The following CYB5RL variants were observed in gnomAD, a reference collection of about 807,000 sequenced individuals.
The protein encoded by CYB5RL is NADH-cytochrome b5 reductase-like.
In CYB5RL, 38 loss-of-function variants were observed where a neutral mutation model predicts 37.5. That is an observed-to-expected ratio of 1.01 (90% CI 0.78 to 1.33). CYB5RL has a LOEUF of 1.33. CYB5RL is among the 40% of genes most tolerant of loss of function. CYB5RL has a pLI of 0.00. For synonymous variants in CYB5RL, 141 were observed against 151.9 expected (o/e 0.93, Z 0.53); for missense variants, 388 against 394.4 (o/e 0.98, Z 0.14).
rs1178688045 is a variant in CYB5RL at position 54,171,126 on chromosome 1, G to T, written c.*3493C>A. 2 of 455,938 alleles carry T rather than the reference G, an allele frequency of 4.4e-6. No individual in the cohort carries two copies. The highest frequency in any genetic ancestry group is 3.1e-5 in the South Asian group (2 of 64,546). The allele number at this position is 455,938 out of a possible 1,614,324, so 28.2% of individuals were successfully genotyped here. Reference sequence around the variant, plus strand: ...AGCTGGAGTGGAAGAGACAGGCGAGGCTCCCGGGAGGAAGTGACACTGAGC... The same window carrying T: ...AGCTGGAGTGGAAGAGACAGGCGAGTCTCCCGGGAGGAAGTGACACTGAGC... On this transcript the variant is annotated 3_prime_UTR_variant, in exon 8 of 8. Transcript: ENST00000534324.
intron 3 of CYB5RL, among the ~76,000 whole-genome samples, chr1:54,193,830 C>T (rs911916662): frequency 3.3e-5 from 5 of 151,182 alleles, no homozygotes; most frequent in South Asian, 2.1e-4. Context: ...ATTAGCCGGG[C>T]GTGGTGGTAG....
chr1:54,193,188 A>G (rs1010177772), intron 3 of CYB5RL, among the ~76,000 whole-genome samples: 24 of 152,242 alleles, frequency 1.6e-4, no homozygotes, highest in African/African-American at 5.8e-4. Flanking sequence ...GGAGAAACAC[A>G]TTCATTCATC....
At position 54,180,591 on chromosome 1, in the gene CYB5RL, G is replaced by A. The variant is rs185234876; in HGVS notation, c.541-1239C>T. ...TGCACTCCAGCCTGGGTGACAGTGC[G>A]AGACTCCGTCTCAAAGAAAAAAAAA... On this transcript the variant is annotated intron_variant, in intron 6 of 7. Transcript: ENST00000534324. 8.2e-4 allele frequency among the ~76,000 whole-genome samples: 124 copies of A among 150,956 alleles called. 1 individual carries two copies. Among genetic ancestry groups the A allele is most frequent in the Non-Finnish European group, 1.5e-3 (100 of 67,782 alleles).
chr1:54,192,120 T>A (rs563289511), intron 3 of CYB5RL, among the ~76,000 whole-genome samples: 1 of 152,228 alleles, frequency 6.6e-6, no homozygotes, highest in African/African-American at 2.4e-5. Context: ...GTTAAAAAAA[T>A]TGGAATATGC....
chr1:54,179,666 AG>A (rs1660110005), intron 6 of CYB5RL, among the ~76,000 whole-genome samples: 1 of 152,168 alleles, frequency 6.6e-6, no homozygotes, highest in African/African-American at 2.4e-5. Context: ...TTCTACTGAC[AG>A]GGGGCTCATT....
chr1:54,187,513 A>G (rs1165059487), intron 5 of CYB5RL, 139 bp downstream of exon 5: 1 of 765,490 alleles, frequency 1.3e-6, no homozygotes, highest in African/African-American at 1.8e-5. Flanking sequence ...TTCCAGGACA[A>G]AGGACTTACT....
rs763937870 is a variant in CYB5RL, at chr1:54,174,615, AG to A, written c.*3del. ...TGGCCTAGGCTTTGGAAGAGAGGCC[AG>A]GGCTAGAAGAGGAAATAGGAGTCCT... On this transcript the variant is annotated 3_prime_UTR_variant, in exon 8 of 8. Transcript: ENST00000534324. The A allele has an allele frequency of 1.2e-6, 2 of 1,603,752 alleles. No individual in the cohort carries two copies. Among genetic ancestry groups the A allele is most frequent in the Admixed American group, 3.4e-5 (2 of 58,498 alleles).
At chr1:54,195,762 C>T in intron 2 of CYB5RL, 47 bp from the exon 3 acceptor site, 1 of 880,528 alleles carries the variant, frequency 1.1e-6, no homozygotes, top group Non-Finnish European at 1.7e-6. Context: ...TCCTCTATTC[C>T]TCACATTCTC....
chr1:54,176,127 T>C (rs1485214064), intron 7 of CYB5RL, among the ~76,000 whole-genome samples: 1 of 152,128 alleles, frequency 6.6e-6, no homozygotes, highest in African/African-American at 2.4e-5. Flanking sequence ...CTCAGGATCA[T>C]GATTGTGAGG....
At chr1:54,175,563 T>C in intron 7 of CYB5RL, 1 of 329,272 alleles carries the variant, frequency 3.0e-6, no homozygotes, top group South Asian at 2.3e-5. Flanking sequence ...AATGAACATT[T>C]TATTGGAGTA....
intron 7 of CYB5RL, 52 bp from the exon 8 acceptor site, chr1:54,174,874 G>T: frequency 6.4e-7 from 1 of 1,567,880 alleles, no homozygotes; most frequent in South Asian, 1.1e-5. Flanking sequence ...GGGGTCCTTA[G>T]TGTTCACACA....
rs1333083671 is a variant in CYB5RL at position 54,173,898 on chromosome 1, A to C, written c.*721T>G. The C allele has an allele frequency of 1.3e-5, 2 of 153,028 alleles. No homozygotes were observed. The highest frequency in any genetic ancestry group is 2.9e-5 in the Non-Finnish European group (2 of 68,386). The allele number at this position is 153,028 out of a possible 1,614,324, so 9.5% of individuals were successfully genotyped here. ...CCATAGCAACCATCACCAGGGCACC[A>C]AGCTGAAGGCACAGGCTGAGTGGCT... On this transcript the variant is annotated 3_prime_UTR_variant, in exon 8 of 8. Transcript: ENST00000534324.
chr1:54,174,953 C>T lies in CYB5RL; in HGVS notation c.745-131G>A, dbSNP rs935946664. 7.2e-6 allele frequency: 6 copies of T among 835,078 alleles called. No homozygotes were observed. In the Admixed American group the frequency reaches 7.4e-5, roughly 10 times the overall value. 51.7% of individuals were successfully genotyped at this position (835,078 alleles called of 1,614,324 possible). On this transcript the variant is annotated intron_variant, in intron 7 of 7. Coordinates refer to ENST00000534324, the MANE Select transcript of CYB5RL (RefSeq NM_001031672.4). ...TAGGAAGCCAACCTATATCCAGGCCCACCATGGGCCAGGCATTTCCTCCTT... is the reference window on the plus strand; with the variant it reads ...TAGGAAGCCAACCTATATCCAGGCCTACCATGGGCCAGGCATTTCCTCCTT...
chr1:54,193,776 A>C (rs1183211519), intron 3 of CYB5RL, among the ~76,000 whole-genome samples: 3 of 151,576 alleles, frequency 2.0e-5, no homozygotes, highest in African/African-American at 7.3e-5. Flanking sequence ...GGAGTTCGAG[A>C]CCAACGTGGT....
intron 4 of CYB5RL, among the ~76,000 whole-genome samples, chr1:54,190,166 T>G (rs1643937995): frequency 6.6e-6 from 1 of 151,366 alleles, no homozygotes; most frequent in African/African-American, 2.4e-5. Context: ...GGGGTGGGAG[T>G]AGAGTGCCTA....
chr1:54,175,355 C>G (rs539603268), intron 7 of CYB5RL, among the ~76,000 whole-genome samples: 1 of 152,332 alleles, frequency 6.6e-6, no homozygotes, highest in Admixed American at 6.5e-5. Context: ...AGGGTCCTGG[C>G]TGCATACAGC....
rs975638646 is a variant in CYB5RL at position 54,184,161 on chromosome 1, C to T, written c.540G>A (p.Gln180=). 1.9e-6 allele frequency: 3 copies of T among 1,612,374 alleles called. No individual in the cohort carries two copies. The highest frequency in any genetic ancestry group is 2.7e-5 in the African/African-American group (2 of 74,878). Reference sequence around the variant, plus strand: ...GAAGATTTAAGGTGCTGGCACTGACCTGGTTTGGTTTATAGAAGAAATCTC... The same window carrying T: ...GAAGATTTAAGGTGCTGGCACTGACTTGGTTTGGTTTATAGAAGAAATCTC... ...PFGDFFYKPN[Q]YGELLLLAAG... is the part of the protein sequence containing the mutation. The change falls in exon 6 of 8, where the codon CAG becomes CAA. Residue 180 remains glutamine (Q), a splice_region_variant and synonymous_variant. Coordinates refer to ENST00000534324, the MANE Select transcript of CYB5RL (RefSeq NM_001031672.4).
chr1:54,180,235 TAAAAA>T, intron 6 of CYB5RL: 3 of 321,780 alleles, frequency 9.3e-6, no homozygotes, highest in South Asian at 2.3e-5. Flanking sequence ...AGATTCCATC[TAAAAA>T]AAAAAAAAAA....
rs1419876121 is a variant in CYB5RL at position 54,190,437 on chromosome 1, T to C, written c.347+311A>G. The C allele has an allele frequency of 2.0e-5, 11 of 561,696 alleles. No homozygotes were observed. In the East Asian group the frequency reaches 2.7e-4, roughly 14 times the overall value. 34.8% of individuals were successfully genotyped at this position (561,696 alleles called of 1,614,324 possible). A position where few individuals can be genotyped will look rare whatever the true frequency, so the allele number is the denominator to read the frequency against. ...TGGCAAGTTTCTGGACCTCTCTTAC[T>C]TCAATTTCCTCTGGGGTATAACTGC... On this transcript the variant is annotated intron_variant, in intron 4 of 7. Coordinates refer to ENST00000534324, the MANE Select transcript of CYB5RL (RefSeq NM_001031672.4).
Sources: gnomAD v4.1 joint callset for allele counts (sites outside exome capture counted in the v4.1 genomes callset) on GRCh38, gnomAD v4.1.1 for gene constraint, MANE v1.5 for transcripts, NCBI Gene and HGNC (gene_info 2026-07-23, HGNC 2026-07-21) for gene names.